ASTN2: variants seen among roughly 807,000 people sequenced by gnomAD.
ASTN2 encodes astrotactin-2.
Under a neutral mutation model 139.8 loss-of-function variants are expected in ASTN2, and 54 were observed. The observed-to-expected ratio is 0.39, with a 90% CI of 0.31 to 0.48. ASTN2 has a LOEUF of 0.48. Among genes scored for constraint, ASTN2 ranks in the 20% least tolerant of loss-of-function variants. ASTN2 has a pLI of 0.95. For synonymous variants in ASTN2, 756 were observed against 719.5 expected, an observed-to-expected ratio of 1.05 and a Z score of -0.81; for missense variants, 1,565 against 1,725.1, an observed-to-expected ratio of 0.91 and a Z score of 1.64.
intron 1 of ASTN2, among the ~76,000 whole-genome samples, chr9:117,342,583 A>G (rs1829094929): frequency 6.6e-6 from 1 of 152,038 alleles, no homozygotes; most frequent in Non-Finnish European, 1.5e-5. Flanking sequence ...AACTAGGAAC[A>G]TTTGGTCATT....
chr9:117,098,847 C>T (rs1393439608), intron 4 of ASTN2, among the ~76,000 whole-genome samples: 2 of 151,842 alleles, frequency 1.3e-5, no homozygotes, highest in Admixed American at 6.6e-5. Context: ...ATGGCTCACA[C>T]CTGTAATCCC....
chr9:116,637,176 T>A (rs1857115505), intron 17 of ASTN2, among the ~76,000 whole-genome samples: 1 of 152,058 alleles, frequency 6.6e-6, no homozygotes, highest in Admixed American at 6.5e-5. Context: ...TAAGGTAGAG[T>A]CTACATCAAG....
At chr9:117,165,865 T>A (rs1830659436) in intron 3 of ASTN2, among the ~76,000 whole-genome samples, 1 of 152,042 alleles carries the variant, frequency 6.6e-6, no homozygotes, top group African/African-American at 2.4e-5. Flanking sequence ...ACATCTATTA[T>A]TAAATAGAAT....
chr9:116,763,535 T>C (rs965051736), intron 13 of ASTN2, among the ~76,000 whole-genome samples: 6 of 152,048 alleles, frequency 3.9e-5, no homozygotes, highest in African/African-American at 1.2e-4. Flanking sequence ...AGAATACCTA[T>C]GGAGGGTATT....
At chr9:117,021,370 A>G (rs1411536957) in intron 6 of ASTN2, among the ~76,000 whole-genome samples, 1 of 152,150 alleles carries the variant, frequency 6.6e-6, no homozygotes, top group African/African-American at 2.4e-5. Context: ...CTGAGGTGCT[A>G]ATATCTGGAA....
At chr9:117,377,149 T>A (rs1042955136) in intron 1 of ASTN2, among the ~76,000 whole-genome samples, 4 of 152,108 alleles carry the variant, frequency 2.6e-5, no homozygotes, top group African/African-American at 9.7e-5. Flanking sequence ...TCTTTTGAAC[T>A]CCTCGGGATT....
intron 3 of ASTN2, chr9:117,197,037 C>T (rs1446306260): frequency 6.6e-6 from 1 of 152,178 alleles, no homozygotes; most frequent in African/African-American, 2.4e-5. Context: ...TATTCTCATG[C>T]TTTACAAGAA....
At chr9:117,169,746 G>A (rs1437370644) in intron 3 of ASTN2, among the ~76,000 whole-genome samples, 1 of 152,082 alleles carries the variant, frequency 6.6e-6, no homozygotes, top group African/African-American at 2.4e-5. Flanking sequence ...GGTGGGGCAG[G>A]GGGCTGGTGT....
At chr9:117,155,450 G>A (rs138145275) in intron 3 of ASTN2, among the ~76,000 whole-genome samples, 260 of 152,024 alleles carry the variant, frequency 1.7e-3, no homozygotes, top group African/African-American at 6.0e-3. Context: ...CTCTTATATT[G>A]CTAATGTGCA....
Position 117,089,566 on chromosome 9 carries a change from G to A in ASTN2, c.1276+6478C>T, listed in dbSNP as rs369825965. 2.0e-5 allele frequency among the ~76,000 whole-genome samples: 3 copies of A among 151,596 alleles called. No homozygotes were observed. In the South Asian group the frequency reaches 6.3e-4, roughly 32 times the overall value. On this transcript the variant is annotated intron_variant, in intron 5 of 22. Coordinates refer to ENST00000313400, the MANE Select transcript of ASTN2 (RefSeq NM_001365068.1). The stretch of plus-strand genomic sequence containing the variant: ...TTTCATAGGTTATTGGGGTACAGGT[G>A]GTATTTGGTTACATGAATAAGTTCT...
In ASTN2 at chr9:117,240,894, T is replaced by C. The variant is rs148856842; in HGVS notation, c.631-26152A>G. On this transcript the variant is annotated intron_variant, in intron 2 of 22. Coordinates refer to ENST00000313400, the MANE Select transcript of ASTN2 (RefSeq NM_001365068.1). ...CACACCTTATGTTCTCGGCACTCAT[T>C]TTCTGCATATTTTGAAATTTTAGCA... 1.3e-3 allele frequency among the ~76,000 whole-genome samples: 193 copies of C among 152,286 alleles called. 1 individual carries two copies. The highest frequency in any genetic ancestry group is 3.4e-3 in the Middle Eastern group (1 of 294).
intron 3 of ASTN2, among the ~76,000 whole-genome samples, chr9:117,186,380 A>T (rs1031934688): frequency 1.2e-5 from 1 of 84,588 alleles, no homozygotes; most frequent in East Asian, 5.4e-4. Context: ...ACCCGTCTCT[A>T]CTAAAAAATA....
At chr9:117,284,924 G>GTGCTT (rs1221285781) in intron 2 of ASTN2, among the ~76,000 whole-genome samples, 2 of 152,178 alleles carry the variant, frequency 1.3e-5, no homozygotes, top group African/African-American at 2.4e-5. Context: ...TATACTTCCT[G>GTGCTT]TGCTTATTTT....
intron 11 of ASTN2, among the ~76,000 whole-genome samples, chr9:116,840,481 A>G (rs1394100866): frequency 2.2e-5 from 3 of 138,344 alleles, no homozygotes; most frequent in African/African-American, 8.3e-5. Context: ...CACCTCCCGG[A>G]CGGGGCGGCT....
intron 14 of ASTN2, 45 bp from the exon 15 acceptor site, chr9:116,729,141 G>A (rs924758870): frequency 7.8e-6 from 11 of 1,403,424 alleles, no homozygotes; most frequent in Admixed American, 6.0e-5. Flanking sequence ...GAATTAAGAC[G>A]CTTCACACCA....
intron 4 of ASTN2, among the ~76,000 whole-genome samples, chr9:117,119,601 G>C (rs1039884915): frequency 6.6e-6 from 1 of 152,182 alleles, no homozygotes; most frequent in Non-Finnish European, 1.5e-5. Flanking sequence ...TTGGGAGCTA[G>C]ATTTGAGTCC....
At chr9:116,732,767 A>G (rs1476395291) in intron 14 of ASTN2, among the ~76,000 whole-genome samples, 1 of 152,106 alleles carries the variant, frequency 6.6e-6, no homozygotes, top group Non-Finnish European at 1.5e-5. Flanking sequence ...GGGGTGGGGG[A>G]GCGGCAAAGT....
chr9:117,180,515 T>C (rs1831032384), intron 3 of ASTN2: 7 of 621,790 alleles, frequency 1.1e-5, no homozygotes, highest in Non-Finnish European at 1.9e-5. Context: ...TGCCATTTCC[T>C]CTGTGATCCT....
intron 4 of ASTN2, among the ~76,000 whole-genome samples, chr9:117,110,177 T>C (rs1006934821): frequency 1.5e-4 from 23 of 152,340 alleles, no homozygotes; most frequent in African/African-American, 5.5e-4. Flanking sequence ...TATTATTTTA[T>C]GAAATGATCA....
Sources: gnomAD v4.1 joint callset for allele counts (sites outside exome capture counted in the v4.1 genomes callset) on GRCh38, gnomAD v4.1.1 for gene constraint, MANE v1.5 for transcripts, NCBI Gene and HGNC (gene_info 2026-07-23, HGNC 2026-07-21) for gene names.